The following USP6 variants were observed in gnomAD, a reference collection of about 807,000 sequenced individuals.
USP6 encodes the protein ubiquitin carboxyl-terminal hydrolase 6.
Under a neutral mutation model 175.7 loss-of-function variants are expected in USP6, and 128 were observed. That is an observed-to-expected ratio of 0.73 (90% CI 0.63 to 0.84). The LOEUF is 0.84. USP6 is among the 40% of genes least tolerant of loss of function. The pLI is 0.00. For synonymous variants in USP6, 562 were observed against 630.6 expected (o/e 0.89, Z 1.63); for missense variants, 1,498 against 1,760.3 (o/e 0.85, Z 2.67).
chr17:5,131,053 C>T (rs1423572587), intron 11 of USP6, among the ~76,000 whole-genome samples: 1 of 152,210 alleles, frequency 6.6e-6, no homozygotes, highest in African/African-American at 2.4e-5. Context: ...TGAGGAGACA[C>T]CTGGCCCAGT....
intron 22 of USP6, among the ~76,000 whole-genome samples, chr17:5,141,050 G>T (rs1481942848): frequency 6.6e-6 from 1 of 152,140 alleles, no homozygotes; most frequent in Non-Finnish European, 1.5e-5. Context: ...TTATAATACT[G>T]TATTTTTAGT....
At chr17:5,130,484 C>T in intron 10 of USP6, 45 bp downstream of exon 10, 2 of 1,613,014 alleles carry the variant, frequency 1.2e-6, no homozygotes, top group Non-Finnish European at 1.7e-6. Flanking sequence ...TTCCAGTGCG[C>T]CCTGGTCAAA....
chr17:5,141,099 A>G (rs2073432274), intron 22 of USP6, among the ~76,000 whole-genome samples: 1 of 152,176 alleles, frequency 6.6e-6, no homozygotes, highest in Non-Finnish European at 1.5e-5. Flanking sequence ...AGGTACACAA[A>G]TACTTACCAT....
chr17:5,127,275 A>G (rs1329171984), intron 6 of USP6, among the ~76,000 whole-genome samples: 5 of 152,184 alleles, frequency 3.3e-5, no homozygotes, highest in Non-Finnish European at 7.4e-5. Flanking sequence ...AGGCTGACAA[A>G]CCTTGGCTGT....
chr17:5,137,886 A>C (rs2073309098), intron 20 of USP6, 136 bp downstream of exon 20: 38 of 1,558,476 alleles, frequency 2.4e-5, no homozygotes, highest in Non-Finnish European at 3.2e-5. Flanking sequence ...TGGGCTGGGC[A>C]GGGCACTGTG....
rs759660648 is a variant in USP6 at position 5,155,606 on chromosome 17, G to C, written c.2828G>C (p.Arg943Pro). ...GAAGCTAGTATTCATGCCCAGGATC[G>C]GTGAGTTCAGGGGATCCATCTAAAC... Reference protein sequence around the residue: ...PQEASIHAQDRDNCMGYQYPF... With the variant: ...PQEASIHAQDPDNCMGYQYPF... Residue 943 changes from arginine (R) to proline (P), a missense_variant and splice_region_variant, in exon 31 of 38, where the codon CGT (arginine) becomes CCT (proline). By Grantham distance (103) the Arg-to-Pro change is moderately radical. This residue lies in a region of USP6 where 1,217 missense variants were observed against 1,500.8 expected (regional missense o/e 0.81). Transcript: ENST00000574788. The C allele has an allele frequency of 1.2e-6, 2 of 1,613,634 alleles. No homozygotes were observed. Among genetic ancestry groups the C allele is most frequent in the South Asian group, 2.2e-5 (2 of 91,012 alleles).
Position 5,130,027 on chromosome 17 carries a change from G to A in USP6, c.-64G>A. 1 of 333,222 alleles carries A rather than the reference G, an allele frequency of 3.0e-6. No individual in the cohort carries two copies. The allele number at this position is 333,222 out of a possible 1,614,324, so 20.6% of individuals were successfully genotyped here. The stretch of plus-strand genomic sequence containing the variant: ...GACCGCAGTTCACATCCACATCCCT[G>A]GAATAGACCATCACAGGCTCTTCAC... On this transcript the variant is annotated 5_prime_UTR_variant, in exon 9 of 38. Transcript: ENST00000574788.
At chr17:5,120,291 G>A (rs749428390) in intron 2 of USP6, among the ~76,000 whole-genome samples, 4 of 152,128 alleles carry the variant, frequency 2.6e-5, no homozygotes, top group Non-Finnish European at 5.9e-5. Context: ...GCAGTGGTGG[G>A]GGCAAGGTCA....
chr17:5,167,050 G>A (rs548826659), intron 33 of USP6, among the ~76,000 whole-genome samples: 3 of 152,310 alleles, frequency 2.0e-5, no homozygotes, highest in Admixed American at 2.0e-4. Context: ...GGAGGAGACA[G>A]ATAATTATAG....
chr17:5,122,099 CAGGG>C (rs1321388509), intron 4 of USP6, among the ~76,000 whole-genome samples: 1 of 138,668 alleles, frequency 7.2e-6, no homozygotes, highest in Non-Finnish European at 1.5e-5. Flanking sequence ...GGGGCTGGAG[CAGGG>C]AGTGTGGCCA....
chr17:5,122,309 G>T (rs1410722363), intron 4 of USP6, among the ~76,000 whole-genome samples: 1 of 152,114 alleles, frequency 6.6e-6, no homozygotes, highest in South Asian at 2.1e-4. Flanking sequence ...TGGATTTCTG[G>T]TTCCGATGAC....
At chr17:5,140,355 G>A (rs1158552212) in intron 22 of USP6, among the ~76,000 whole-genome samples, 2 of 152,136 alleles carry the variant, frequency 1.3e-5, no homozygotes, top group Admixed American at 6.5e-5. Context: ...AGGTTCACTT[G>A]AGTCTAGAAG....
rs765732676 is a variant in USP6, at chr17:5,147,259, C to CT, written c.2431+71dup. 314 of 1,470,062 alleles carry CT rather than the reference C, an allele frequency of 2.1e-4. 1 individual carries two copies. Among genetic ancestry groups the CT allele is most frequent in the Non-Finnish European group, 2.7e-4 (291 of 1,079,030 alleles). 91.1% of individuals were successfully genotyped at this position (1,470,062 alleles called of 1,614,324 possible). ...TAAATATTTGTCTAAGAGTTGTCAT[C>CT]TTTTTTATATTTGTTCATGCTGAGG... On this transcript the variant is annotated intron_variant, in intron 29 of 37. Coordinates refer to ENST00000574788, the MANE Select transcript of USP6 (RefSeq NM_001304284.2).
At position 5,137,515 on chromosome 17, in the gene USP6, C is replaced by T. The variant is rs887032732; in HGVS notation, c.826-136C>T. 44 of 911,418 alleles carry T rather than the reference C, an allele frequency of 4.8e-5. No individual in the cohort carries two copies. In the African/African-American group the frequency reaches 6.5e-4, roughly 13 times the overall value. 56.5% of individuals were successfully genotyped at this position (911,418 alleles called of 1,614,324 possible). A position where few individuals can be genotyped will look rare whatever the true frequency, so the allele number is the denominator to read the frequency against. ...AGAAGTTGCAAGACCTTTTCTGACT[C>T]AGCATTCTGGAGGGCTCAGGTGACC... On this transcript the variant is annotated intron_variant, in intron 19 of 37. Coordinates refer to ENST00000574788, the MANE Select transcript of USP6 (RefSeq NM_001304284.2).
intron 8 of USP6, chr17:5,129,354 G>A (rs1425754352): frequency 2.0e-5 from 3 of 152,418 alleles, no homozygotes; most frequent in Non-Finnish European, 2.9e-5. Flanking sequence ...TGGGGAGGAG[G>A]GAAGGGTCCT....
chr17:5,139,096 C>T (rs1219780576), intron 21 of USP6, 159 bp from the exon 22 acceptor site: 1 of 1,595,480 alleles, frequency 6.3e-7, no homozygotes, highest in African/African-American at 1.3e-5. Flanking sequence ...ACACACCCCT[C>T]CCTCTGGGAT....
At chr17:5,133,231 G>A (rs1443517326) in intron 13 of USP6, among the ~76,000 whole-genome samples, 1 of 152,100 alleles carries the variant, frequency 6.6e-6, no homozygotes, top group Non-Finnish European at 1.5e-5. Context: ...ATGCCCTGGT[G>A]ACCCGAAGGA....
chr17:5,128,248 G>A (rs1175172225), intron 7 of USP6: 1 of 152,202 alleles, frequency 6.6e-6, no homozygotes, highest in Non-Finnish European at 1.5e-5. Flanking sequence ...GTCTAGAAAA[G>A]TGGGCCCCTA....
At chr17:5,168,687 G>A (rs1226179184) in intron 34 of USP6, 80 bp from the exon 35 acceptor site, 2 of 1,460,500 alleles carry the variant, frequency 1.4e-6, no homozygotes, top group African/African-American at 2.8e-5. Context: ...ACATTCACAT[G>A]TATTTGACTT....
Sources: gnomAD v4.1 joint callset for allele counts (sites outside exome capture counted in the v4.1 genomes callset) on GRCh38, gnomAD v4.1.1 for gene constraint, gnomAD v4.1.1 regional missense constraint, MANE v1.5 for transcripts, NCBI Gene and HGNC (gene_info 2026-07-23, HGNC 2026-07-21) for gene names.